The following GALNT13 variants were observed in gnomAD, a reference collection of about 807,000 sequenced individuals.
The protein encoded by GALNT13 is polypeptide N-acetylgalactosaminyltransferase 13, also known as UDP-GalNAc:polypeptide N-acetylgalactosaminyltransferase 13.
In GALNT13, 28 loss-of-function variants were observed where a neutral mutation model predicts 64.2. That is an observed-to-expected ratio of 0.44 (90% confidence interval 0.32 to 0.60). The LOEUF is 0.60. Among genes scored for constraint, GALNT13 ranks in the 20% least tolerant of loss-of-function variants. GALNT13 has a pLI of 0.05. For synonymous variants in GALNT13, 214 were observed against 224.6 expected (o/e 0.95, Z 0.42); for missense variants, 577 against 669.8 (o/e 0.86, Z 1.53).
chr2:154,178,502 CAT>C (rs1259371157), intron 4 of GALNT13, among the ~76,000 whole-genome samples: 3 of 151,992 alleles, frequency 2.0e-5, no homozygotes, highest in African/African-American at 4.8e-5. Context: ...CCAACATGCA[CAT>C]GTGTATATAT....
At chr2:153,117,095 G>T in the GALNT13 span, among the ~76,000 whole-genome samples, 4 of 151,666 alleles carry the variant, frequency 2.6e-5, no homozygotes, top group African/African-American at 4.8e-5. Flanking sequence ...CACCATGCCT[G>T]GCTGGGTGTG....
chr2:153,639,146 C>A, the GALNT13 span, among the ~76,000 whole-genome samples: 3 of 151,540 alleles, frequency 2.0e-5, no homozygotes, highest in African/African-American at 7.3e-5. Flanking sequence ...AGGGTGATTG[C>A]AATGATGGTA....
chr2:153,783,554 C>T, the GALNT13 span, among the ~76,000 whole-genome samples: 1 of 152,102 alleles, frequency 6.6e-6, no homozygotes, highest in Non-Finnish European at 1.5e-5. Context: ...TCAACCTGGA[C>T]TTCACACCCT....
At chr2:153,862,228 TA>T in the GALNT13 span, among the ~76,000 whole-genome samples, 2 of 152,166 alleles carry the variant, frequency 1.3e-5, no homozygotes, top group African/African-American at 4.8e-5. Context: ...CATGCTTATA[TA>T]ATAACCTTTT....
At position 154,232,798 on chromosome 2, in the gene GALNT13, C is replaced by T. The variant is rs149001022; in HGVS notation, c.312-9232C>T. Among the ~76,000 whole-genome samples, 409 of 150,784 alleles carry T rather than the reference C, an allele frequency of 2.7e-3. 3 individuals carry two copies. The highest frequency in any genetic ancestry group is 9.9e-3 in the African/African-American group (405 of 41,062). On this transcript the variant is annotated intron_variant, in intron 4 of 12. Coordinates refer to ENST00000392825, the MANE Select transcript of GALNT13 (RefSeq NM_052917.4). The stretch of plus-strand genomic sequence containing the variant: ...CTGTAATACTAGCATTTTGGGAAGC[C>T]GAGGTGGGCAGATTGCTTGAGCTCA...
the GALNT13 span, among the ~76,000 whole-genome samples, chr2:153,123,748 G>A: frequency 6.6e-6 from 1 of 152,096 alleles, no homozygotes; most frequent in African/African-American, 2.4e-5. Flanking sequence ...CAAATACAGA[G>A]CCTTCATATT....
chr2:154,263,410 A>C (rs1440223853), intron 8 of GALNT13, among the ~76,000 whole-genome samples: 1 of 152,182 alleles, frequency 6.6e-6, no homozygotes, highest in African/African-American at 2.4e-5. Flanking sequence ...GATTGTTATA[A>C]GCTGTGCAAC....
chr2:153,515,331 C>T, the GALNT13 span, among the ~76,000 whole-genome samples: 1 of 152,170 alleles, frequency 6.6e-6, no homozygotes, highest in Non-Finnish European at 1.5e-5. Context: ...AGTCCTTTGC[C>T]GCTCATTGAA....
chr2:153,651,877 T>C, the GALNT13 span, among the ~76,000 whole-genome samples: 466 of 152,312 alleles, frequency 3.1e-3, 1 homozygote, highest in Non-Finnish European at 5.8e-3. Flanking sequence ...TTGTTGTATC[T>C]GTTATTTTTA....
At chr2:153,730,559 TTA>T in the GALNT13 span, among the ~76,000 whole-genome samples, 1 of 151,804 alleles carries the variant, frequency 6.6e-6, no homozygotes, top group Non-Finnish European at 1.5e-5. Flanking sequence ...CAAATGGGAT[TTA>T]ATTAAAAAGC....
intron 3 of GALNT13, among the ~76,000 whole-genome samples, chr2:154,048,899 G>T (rs1278354980): frequency 1.3e-5 from 2 of 151,914 alleles, no homozygotes; most frequent in East Asian, 3.9e-4. Flanking sequence ...TTAAGTATAT[G>T]GATAATTTTT....
the GALNT13 span, among the ~76,000 whole-genome samples, chr2:153,395,641 T>A: frequency 6.6e-6 from 1 of 152,300 alleles, no homozygotes; most frequent in South Asian, 2.1e-4. Context: ...GATGAATGTT[T>A]CTGGGCATAT....
At chr2:153,068,485 A>G in the GALNT13 span, among the ~76,000 whole-genome samples, 23 of 151,980 alleles carry the variant, frequency 1.5e-4, no homozygotes, top group African/African-American at 5.3e-4. Flanking sequence ...TCATTTTTCT[A>G]TGTTTGGAAT....
chr2:154,146,151 TACAC>T (rs1166942384), intron 4 of GALNT13, among the ~76,000 whole-genome samples: 8 of 136,008 alleles, frequency 5.9e-5, no homozygotes, highest in African/African-American at 1.8e-4. Context: ...TATATATATA[TACAC>T]ACACACACAC....
intron 9 of GALNT13, among the ~76,000 whole-genome samples, chr2:154,366,379 T>C (rs1029744470): frequency 6.6e-6 from 1 of 152,222 alleles, no homozygotes; most frequent in African/African-American, 2.4e-5. Flanking sequence ...TCACTCGCTA[T>C]ATATGTAATT....
chr2:153,296,886 C>T, the GALNT13 span, among the ~76,000 whole-genome samples: 6 of 152,158 alleles, frequency 3.9e-5, no homozygotes, highest in South Asian at 1.2e-3. Flanking sequence ...CCCTAAATCA[C>T]AGGAGAACCA....
chr2:153,259,363 ATT>A, the GALNT13 span, among the ~76,000 whole-genome samples: 1 of 146,768 alleles, frequency 6.8e-6, no homozygotes. Flanking sequence ...TAGGTCTTGT[ATT>A]TTTTTTTTAA....
the GALNT13 span, among the ~76,000 whole-genome samples, chr2:153,600,761 C>T: frequency 4.6e-5 from 7 of 151,924 alleles, no homozygotes; most frequent in African/African-American, 1.7e-4. Context: ...TTGGGTGGTA[C>T]AATTTGGGTA....
chr2:153,276,800 C>T, the GALNT13 span, among the ~76,000 whole-genome samples: 6 of 151,886 alleles, frequency 4.0e-5, 1 homozygote, highest in African/African-American at 1.5e-4. Context: ...GATTTAGGTT[C>T]TTTGTGAGCT....
Sources: gnomAD v4.1 joint callset for allele counts (sites outside exome capture counted in the v4.1 genomes callset) on GRCh38, gnomAD v4.1.1 for gene constraint, MANE v1.5 for transcripts, NCBI Gene and HGNC (gene_info 2026-07-23, HGNC 2026-07-21) for gene names.